Variants in RANBP2 observed in about 807,000 individuals in gnomAD.
RANBP2 encodes RAN binding protein 2.
In RANBP2, 57 loss-of-function variants were observed where a neutral mutation model predicts 303.6. The observed-to-expected ratio is 0.19, with a 90% CI of 0.15 to 0.23. The LOEUF (loss-of-function observed/expected upper bound fraction) is 0.23, where lower values mean the gene tolerates loss of function less well. Ranked by LOEUF, RANBP2 falls within the 10% of genes least tolerant of loss-of-function variation. The pLI is 1.00. For missense variants in RANBP2, 3,138 were observed against 3,780.8 expected, an observed-to-expected ratio of 0.83 and a Z score of 4.46; for synonymous variants, 1,167 against 1,301.5, an observed-to-expected ratio of 0.90 and a Z score of 2.23.
At chr2:109,532,044 C>A in the RANBP2 span, among the ~76,000 whole-genome samples, 1 of 152,238 alleles carries the variant, frequency 6.6e-6, no homozygotes, top group African/African-American at 2.4e-5. Context: ...CGGGACCCCA[C>A]GGCACCAGGC....
At chr2:109,201,304 A>T in the RANBP2 span, among the ~76,000 whole-genome samples, 2 of 151,896 alleles carry the variant, frequency 1.3e-5, no homozygotes, top group Non-Finnish European at 2.9e-5. Flanking sequence ...CCCCAGCCCC[A>T]CTCTCCCACA....
the RANBP2 span, among the ~76,000 whole-genome samples, chr2:109,265,516 CTATAGGCCAG>C: frequency 6.6e-6 from 1 of 152,188 alleles, no homozygotes; most frequent in East Asian, 1.9e-4. Context: ...CCTTAGGCTG[CTATAGGCCAG>C]TATAGGCTGG....
At position 108,763,843 on chromosome 2, in the gene RANBP2, G is replaced by A. The variant is rs936898946; in HGVS notation, c.3304G>A (p.Gly1102Arg). Residue 1102 changes from glycine (G) to arginine (R), a missense_variant, in exon 20 of 29, where the codon GGA becomes AGA. By Grantham distance (125) the Gly-to-Arg change is moderately radical. This residue lies in a region of RANBP2 where 403 missense variants were observed against 376.7 expected (regional missense o/e 1.07). Transcript: ENST00000283195. ...TGGGCCTCGAAATACATTCAATTTT[G>A]GAAGCAAAAATGTGTCTGGAATTTC... is the stretch of plus-strand genomic sequence containing the variant. ...TIGPRNTFNFGSKNVSGISFT... is the reference protein window; with the variant it reads ...TIGPRNTFNFRSKNVSGISFT... The A allele has an allele frequency of 3.1e-6, 5 of 1,613,848 alleles. No individual in the cohort carries two copies. The African/African-American group carries it at 4.0e-5, about 13-fold the overall frequency.
chr2:109,428,311 C>T, the RANBP2 span, among the ~76,000 whole-genome samples: 1 of 152,220 alleles, frequency 6.6e-6, no homozygotes, highest in East Asian at 1.9e-4. Context: ...CTGATTAGAG[C>T]GGAAGAGAAA....
chr2:109,666,559 G>A, the RANBP2 span, among the ~76,000 whole-genome samples: 1 of 152,156 alleles, frequency 6.6e-6, no homozygotes, highest in Non-Finnish European at 1.5e-5. Flanking sequence ...AAATTAACCT[G>A]AAAATTCAAT....
chr2:108,758,571 G>T (rs757003868), intron 18 of RANBP2, 23 bp downstream of exon 18: 1 of 1,610,118 alleles, frequency 6.2e-7, no homozygotes, highest in Non-Finnish European at 8.5e-7. Flanking sequence ...GTGGATAATC[G>T]CATATTTTAG....
At chr2:109,416,147 A>G in the RANBP2 span, among the ~76,000 whole-genome samples, 3 of 152,212 alleles carry the variant, frequency 2.0e-5, no homozygotes, top group African/African-American at 7.2e-5. Flanking sequence ...AGTTTTAGGT[A>G]TTCTGTCGTA....
At chr2:108,734,977 TGAG>T (rs931972976) in intron 4 of RANBP2, among the ~76,000 whole-genome samples, 11 of 152,058 alleles carry the variant, frequency 7.2e-5, no homozygotes, top group African/African-American at 2.7e-4. Flanking sequence ...GCATCGCAAA[TGAG>T]AAGTGAGTGG....
chr2:108,912,077 C>T, the RANBP2 span, among the ~76,000 whole-genome samples: 15 of 152,318 alleles, frequency 9.8e-5, no homozygotes, highest in East Asian at 2.7e-3. Flanking sequence ...ATGAAGCTGA[C>T]GAGCTGGGTG....
At chr2:109,463,124 G>T in the RANBP2 span, among the ~76,000 whole-genome samples, 1 of 152,202 alleles carries the variant, frequency 6.6e-6, no homozygotes, top group Admixed American at 6.5e-5. Context: ...GGAATTGATT[G>T]AAGGGTTGTG....
At chr2:109,494,108 C>T in the RANBP2 span, among the ~76,000 whole-genome samples, 3 of 152,168 alleles carry the variant, frequency 2.0e-5, no homozygotes, top group Admixed American at 2.0e-4. Context: ...CCCTAGGATC[C>T]TTCTTCCCCA....
the RANBP2 span, among the ~76,000 whole-genome samples, chr2:109,052,785 C>A: frequency 6.6e-6 from 1 of 152,278 alleles, no homozygotes; most frequent in South Asian, 2.1e-4. Flanking sequence ...CAGGTGTGAG[C>A]CACCCGGCCC....
At chr2:108,905,932 A>G in the RANBP2 span, among the ~76,000 whole-genome samples, 1 of 152,162 alleles carries the variant, frequency 6.6e-6, no homozygotes, top group South Asian at 2.1e-4. Flanking sequence ...AGCTAAGTCT[A>G]GGATAAATGA....
chr2:109,129,549 C>G, the RANBP2 span: 7 of 1,495,714 alleles, frequency 4.7e-6, no homozygotes, highest in East Asian at 2.8e-5. Flanking sequence ...CCATGCTGCT[C>G]GGAGCGTCCT....
the RANBP2 span, among the ~76,000 whole-genome samples, chr2:109,469,684 A>G: frequency 6.6e-6 from 1 of 152,166 alleles, no homozygotes; most frequent in East Asian, 1.9e-4. Flanking sequence ...AGCTCCAGAA[A>G]CCCAACAAGC....
At chr2:109,130,283 C>T in the RANBP2 span, among the ~76,000 whole-genome samples, 1 of 152,186 alleles carries the variant, frequency 6.6e-6, no homozygotes, top group South Asian at 2.1e-4. Flanking sequence ...GGCATCCGGC[C>T]CCTGGGCAGC....
intron 6 of RANBP2, among the ~76,000 whole-genome samples, chr2:108,739,321 T>G (rs1006296464): frequency 3.3e-5 from 5 of 152,148 alleles, no homozygotes; most frequent in African/African-American, 1.2e-4. Context: ...AAGAATCGCT[T>G]GAACCTGGGA....
chr2:109,168,049 G>C, the RANBP2 span, among the ~76,000 whole-genome samples: 4 of 152,246 alleles, frequency 2.6e-5, no homozygotes, highest in Admixed American at 2.6e-4. Flanking sequence ...AAGTCTCTGT[G>C]GGACTTTCAT....
chr2:109,660,407 C>A, the RANBP2 span, among the ~76,000 whole-genome samples: 1 of 152,260 alleles, frequency 6.6e-6, no homozygotes, highest in Admixed American at 6.5e-5. Context: ...TGATCCCACT[C>A]TGTGGAGTGT....
Sources: allele counts gnomAD v4.1 joint callset (sites outside exome capture counted in the v4.1 genomes callset), GRCh38; gene constraint gnomAD v4.1.1; regional missense constraint gnomAD v4.1.1; transcripts MANE v1.5; gene names NCBI Gene and HGNC (gene_info 2026-07-23, HGNC 2026-07-21).